The following ARHGEF3 variants were observed in gnomAD, a reference collection of about 807,000 sequenced individuals.
ARHGEF3 encodes the protein Rho guanine nucleotide exchange factor 3, also known as 59.8 kDA protein.
ARHGEF3 carries 28 observed loss-of-function variants against 63.2 expected under a neutral mutation model. The observed-to-expected ratio is 0.44, with a 90% CI of 0.33 to 0.61. The LOEUF is 0.61. Ranked by LOEUF, ARHGEF3 falls within the 20% of genes least tolerant of loss-of-function variation. ARHGEF3 has a pLI of 0.03. For missense variants in ARHGEF3, 533 were observed against 659.3 expected (o/e 0.81, Z 2.10); for synonymous variants, 266 against 254.2 (o/e 1.05, Z -0.44).
intron 1 of ARHGEF3, among the ~76,000 whole-genome samples, chr3:56,791,753 ATC>A (rs1296343824): frequency 8.5e-5 from 13 of 152,214 alleles, no homozygotes; most frequent in Non-Finnish European, 1.6e-4. Context: ...ATTTCTCTGA[ATC>A]TCTTTTTCCT....
At chr3:56,816,871 T>C (rs920973787) in intron 4 of ARHGEF3, among the ~76,000 whole-genome samples, 11 of 152,196 alleles carry the variant, frequency 7.2e-5, no homozygotes, top group Non-Finnish European at 1.6e-4. Flanking sequence ...CCAGAGCCTA[T>C]GATGCAAGGG....
At position 56,742,805 on chromosome 3, in the gene ARHGEF3, A is replaced by G. The variant is rs554873234; in HGVS notation, c.870+2400T>C. ...AACTAGATGCAGAGTGAACTTTTGAAAACAGCTTCATACTTTATGCACTAG... is the reference window on the plus strand; with the variant it reads ...AACTAGATGCAGAGTGAACTTTTGAGAACAGCTTCATACTTTATGCACTAG... On this transcript the variant is annotated intron_variant, in intron 7 of 9. Coordinates refer to ENST00000296315, the MANE Select transcript of ARHGEF3 (RefSeq NM_019555.3). 9.8e-5 allele frequency among the ~76,000 whole-genome samples: 15 copies of G among 152,352 alleles called. No homozygotes were observed. The East Asian group carries it at 2.9e-3, about 29-fold the overall frequency.
chr3:56,992,407 A>AAAC lies in ARHGEF3; in HGVS notation c.63-33519_63-33518insGTT, dbSNP rs71076008. On this transcript the variant is annotated intron_variant, in intron 2 of 12. Coordinates refer to the ARHGEF3 transcript ENST00000338458. ...AAAAAAAAAAAAAAAAAAAAAAAAAAAAAAAAACAGAAAGAAGGTCATGTG... is the reference window on the plus strand; with the variant it reads ...AAAAAAAAAAAAAAAAAAAAAAAAAAAACAAAAAAACAGAAAGAAGGTCATGTG... Among the ~76,000 whole-genome samples the AAAC allele has an allele frequency of 8.0e-3, 932 of 116,270 alleles. 67 individuals carry two copies. Among genetic ancestry groups the AAAC allele is most frequent in the Non-Finnish European group, 0.014 (689 of 51,014 alleles). The allele number at this position is 116,270 out of a possible 152,430, so 76.3% of individuals were successfully genotyped here.
intron 4 of ARHGEF3, among the ~76,000 whole-genome samples, chr3:56,811,271 A>T (rs1246417880): frequency 1.3e-5 from 2 of 152,048 alleles, no homozygotes; most frequent in African/African-American, 4.8e-5. Context: ...GCCAGAGGGC[A>T]TGACAGCATT....
intron 4 of ARHGEF3, among the ~76,000 whole-genome samples, chr3:56,840,298 T>TTTAC (rs759599344): frequency 7.2e-5 from 11 of 152,100 alleles, no homozygotes; most frequent in Non-Finnish European, 1.0e-4. Context: ...CAATGGTGTA[T>TTTAC]TTACTATTCA....
chr3:57,023,706 A>G (rs1703354478), intron 2 of ARHGEF3, among the ~76,000 whole-genome samples: 1 of 152,126 alleles, frequency 6.6e-6, no homozygotes, highest in Non-Finnish European at 1.5e-5. Flanking sequence ...ACCTTGGCAC[A>G]CACTGCCCCT....
intron 3 of ARHGEF3, among the ~76,000 whole-genome samples, chr3:56,893,409 G>A (rs1036622127): frequency 6.6e-6 from 1 of 152,122 alleles, no homozygotes; most frequent in African/African-American, 2.4e-5. Context: ...GAACTCTTGG[G>A]CTCAAGTGAT....
chr3:56,879,630 T>C (rs920854641), intron 4 of ARHGEF3, among the ~76,000 whole-genome samples: 1 of 148,530 alleles, frequency 6.7e-6, no homozygotes, highest in Non-Finnish European at 1.5e-5. Context: ...CTGGTATGAG[T>C]CATCCATTGG....
In ARHGEF3 at chr3:57,054,800, G is replaced by A. The variant is rs138987332; in HGVS notation, c.-27-19624C>T. Among the ~76,000 whole-genome samples, 1,249 of 151,788 alleles carry A rather than the reference G, an allele frequency of 8.2e-3. 9 individuals carry two copies. The highest frequency in any genetic ancestry group is 0.015 in the Admixed American group (228 of 15,264). Reference sequence around the variant, plus strand: ...CGAGTAGCTGGGATTATAGGCATACGCCACCATGCCTGGCTAATTTTTGTA... The same window carrying A: ...CGAGTAGCTGGGATTATAGGCATACACCACCATGCCTGGCTAATTTTTGTA... On this transcript the variant is annotated intron_variant, in intron 1 of 12. Transcript: ENST00000338458.
intron 2 of ARHGEF3, among the ~76,000 whole-genome samples, chr3:56,983,608 G>C (rs529532744): frequency 6.6e-6 from 1 of 152,254 alleles, no homozygotes; most frequent in East Asian, 1.9e-4. Context: ...CCTTCTGCAG[G>C]GTCAGCATGC....
In ARHGEF3 at chr3:56,839,544, A is replaced by C. The variant is rs182325844; in HGVS notation, c.192+42748T>G. ...CATCAGGGGAAGCTGGGAAAGGTAC[A>C]TAAGAACTCTCTGTGTTATCTTTGC... On this transcript the variant is annotated intron_variant, in intron 4 of 12. Transcript: ENST00000338458. 4.1e-4 allele frequency among the ~76,000 whole-genome samples: 62 copies of C among 152,380 alleles called. No homozygotes were observed. In the East Asian group the frequency reaches 0.011, roughly 28 times the overall value.
intron 1 of ARHGEF3, among the ~76,000 whole-genome samples, chr3:56,778,929 C>T (rs1346980390): frequency 6.6e-6 from 1 of 152,100 alleles, no homozygotes; most frequent in Admixed American, 6.6e-5. Flanking sequence ...TGTATTCGGT[C>T]TTCAGGCCAT....
chr3:56,774,988 G>C, intron 1 of ARHGEF3: 2 of 1,492,872 alleles, frequency 1.3e-6, no homozygotes, highest in Non-Finnish European at 1.8e-6. Context: ...CAAAGACAAA[G>C]AGAAGAGTTA....
intron 2 of ARHGEF3, among the ~76,000 whole-genome samples, chr3:56,768,952 AAC>A (rs1287890734): frequency 6.6e-6 from 1 of 152,196 alleles, no homozygotes; most frequent in Non-Finnish European, 1.5e-5. Context: ...GACTGTGAGG[AAC>A]CCAAAACTAG....
At chr3:56,894,523 C>T (rs1329915505) in intron 3 of ARHGEF3, among the ~76,000 whole-genome samples, 2 of 152,102 alleles carry the variant, frequency 1.3e-5, no homozygotes, top group African/African-American at 4.8e-5. Context: ...GGTTTTGTGG[C>T]TCAAGCCTGT....
intron 1 of ARHGEF3, chr3:56,775,198 C>A: frequency 6.8e-7 from 1 of 1,463,076 alleles, no homozygotes; most frequent in Non-Finnish European, 9.1e-7. Context: ...ACTTCAGATT[C>A]TCCAGGATAT....
At chr3:56,873,976 G>A (rs2040510911) in intron 4 of ARHGEF3, among the ~76,000 whole-genome samples, 1 of 152,202 alleles carries the variant, frequency 6.6e-6, no homozygotes, top group Non-Finnish European at 1.5e-5. Context: ...ATCCGAGAGT[G>A]TGTCCTGAAA....
At chr3:56,873,228 T>TG (rs1026255271) in intron 4 of ARHGEF3, among the ~76,000 whole-genome samples, 53 of 151,508 alleles carry the variant, frequency 3.5e-4, no homozygotes, top group African/African-American at 1.1e-3. Flanking sequence ...TGTTTGTTTT[T>TG]TTTTTTTTAA....
At chr3:56,888,000 C>T (rs79629679) in intron 3 of ARHGEF3, among the ~76,000 whole-genome samples, 253 of 152,162 alleles carry the variant, frequency 1.7e-3, no homozygotes, top group African/African-American at 5.7e-3. Context: ...AATCAAAAAC[C>T]TCAAAAGTGA....
Sources: gnomAD v4.1 joint callset for allele counts (sites outside exome capture counted in the v4.1 genomes callset) on GRCh38, gnomAD v4.1.1 for gene constraint, MANE v1.5 for transcripts, NCBI Gene and HGNC (gene_info 2026-07-23, HGNC 2026-07-21) for gene names.